The following ZFPM2 variants were observed in gnomAD, a reference collection of about 807,000 sequenced individuals.
ZFPM2 encodes the protein zinc finger protein ZFPM2.
A neutral mutation model predicts 98.6 loss-of-function variants in ZFPM2; 20 were observed. The ratio of observed to expected loss-of-function variants is 0.20; its 90% CI spans 0.14 to 0.29. ZFPM2 has a LOEUF of 0.29. Ranked by LOEUF, ZFPM2 falls within the 10% of genes least tolerant of loss-of-function variation. The pLI is 1.00. For missense variants in ZFPM2, 1,310 were observed against 1,388.6 expected, an observed-to-expected ratio of 0.94 and a Z score of 0.90; for synonymous variants, 518 against 502.7, an observed-to-expected ratio of 1.03 and a Z score of -0.41.
In ZFPM2 at chr8:105,788,700, CT is replaced by C; in HGVS notation, c.533-12del. The C allele has an allele frequency of 6.2e-7, 1 of 1,612,890 alleles. No homozygotes were observed. Among genetic ancestry groups the C allele is most frequent in the Non-Finnish European group, 8.5e-7 (1 of 1,179,024 alleles). On this transcript the variant is annotated splice_polypyrimidine_tract_variant and intron_variant, in intron 5 of 7. Coordinates refer to ENST00000407775, the MANE Select transcript of ZFPM2 (RefSeq NM_012082.4). ...CATCCTATGTCAATTTTATCTTTTT[CT>C]TTTTTCTTCTTAATAGGGGGTCAGC...
Position 105,318,992 on chromosome 8 carries a change from G to C in ZFPM2, c.40+11G>C, listed in dbSNP as rs550883122. ...CCCGGCAGATCAAACGTAAGTTTGC[G>C]CGCGGGGCCGGGAGTTGGTGGGATT... is the stretch of plus-strand genomic sequence containing the variant. On this transcript the variant is annotated intron_variant, in intron 1 of 7. Transcript: ENST00000407775. The C allele has an allele frequency of 2.0e-6, 3 of 1,492,332 alleles. No individual in the cohort carries two copies. Among genetic ancestry groups the C allele is most frequent in the South Asian group, 1.3e-5 (1 of 78,706 alleles). 92.4% of individuals were successfully genotyped at this position (1,492,332 alleles called of 1,614,324 possible).
chr8:105,798,691 C>A, intron 6 of ZFPM2, 33 bp from the exon 7 acceptor site: 1 of 1,576,706 alleles, frequency 6.3e-7, no homozygotes, highest in Non-Finnish European at 8.7e-7. Context: ...AAATGGACAG[C>A]AGCAAATGTG....
chr8:105,543,728 C>A (rs1814630477), intron 3 of ZFPM2, among the ~76,000 whole-genome samples: 1 of 151,908 alleles, frequency 6.6e-6, no homozygotes, highest in Non-Finnish European at 1.5e-5. Flanking sequence ...TCCTTCTGTC[C>A]CTCCATTCCT....
At chr8:105,337,233 G>C (rs1240851319) in intron 1 of ZFPM2, among the ~76,000 whole-genome samples, 10 of 151,744 alleles carry the variant, frequency 6.6e-5, no homozygotes, top group Admixed American at 6.6e-4. Context: ...ATGTTAGCAA[G>C]TCAGAGACTG....
chr8:105,488,362 G>A (rs1298009607), intron 3 of ZFPM2, among the ~76,000 whole-genome samples: 1 of 152,208 alleles, frequency 6.6e-6, no homozygotes, highest in Non-Finnish European at 1.5e-5. Context: ...TTCAGTGGCT[G>A]CTTGTTAGGA....
chr8:105,328,460 C>T (rs80098986), intron 1 of ZFPM2, among the ~76,000 whole-genome samples: 6,864 of 151,712 alleles, frequency 0.045, 274 homozygotes, highest in Admixed American at 0.14. Context: ...AATTATAGAA[C>T]GAATATCTGC....
chr8:105,468,081 C>T (rs910123337), intron 3 of ZFPM2, among the ~76,000 whole-genome samples: 4 of 151,958 alleles, frequency 2.6e-5, no homozygotes, highest in African/African-American at 9.7e-5. Context: ...CTTCTCATAG[C>T]TCCCATTTTA....
intron 5 of ZFPM2, chr8:105,785,245 G>C (rs935586080): frequency 3.3e-5 from 5 of 152,016 alleles, no homozygotes; most frequent in South Asian, 2.1e-4. Flanking sequence ...AAGTCTGTCA[G>C]GTACCCCAAA....
intron 5 of ZFPM2, among the ~76,000 whole-genome samples, chr8:105,786,570 G>A (rs1203100351): frequency 7.0e-6 from 1 of 142,834 alleles, no homozygotes; most frequent in Non-Finnish European, 1.5e-5. Flanking sequence ...CATCAAATGA[G>A]ATAAAGTGAT....
At chr8:105,578,040 G>A (rs1815506111) in intron 4 of ZFPM2, among the ~76,000 whole-genome samples, 1 of 151,978 alleles carries the variant, frequency 6.6e-6, no homozygotes, top group South Asian at 2.1e-4. Flanking sequence ...GAGTTCTTTG[G>A]TAATAATGTT....
chr8:105,515,887 T>G (rs1813909008), intron 3 of ZFPM2, among the ~76,000 whole-genome samples: 1 of 151,250 alleles, frequency 6.6e-6, no homozygotes, highest in Non-Finnish European at 1.5e-5. Flanking sequence ...AACCAGTCAT[T>G]GTGCAAGAAA....
intron 5 of ZFPM2, among the ~76,000 whole-genome samples, chr8:105,746,184 G>T (rs1586235414): frequency 6.6e-6 from 1 of 151,754 alleles, no homozygotes; most frequent in Admixed American, 6.6e-5. Flanking sequence ...CTTATTCGAG[G>T]AAAGTCTTAG....
At chr8:105,451,522 G>T (rs1812484774) in intron 3 of ZFPM2, 1 of 152,144 alleles carries the variant, frequency 6.6e-6, no homozygotes, top group South Asian at 2.1e-4. Flanking sequence ...AAGTAGGGTG[G>T]ACCCTTAATC....
At chr8:105,380,634 T>A (rs13273388) in intron 1 of ZFPM2, among the ~76,000 whole-genome samples, 22 of 15,996 alleles carry the variant, frequency 1.4e-3, no homozygotes, top group African/African-American at 5.8e-3. Context: ...AACATATATA[T>A]TATATATATA....
Position 105,803,299 on chromosome 8 carries a change from C to G in ZFPM2, c.3217C>G (p.His1073Asp). Residue 1073 changes from histidine to aspartate, a missense_variant, in exon 8 of 8, where the codon CAC (histidine) becomes GAC (aspartate). Coordinates refer to ENST00000407775, the MANE Select transcript of ZFPM2 (RefSeq NM_012082.4). Reference sequence around the variant, plus strand: ...CCAGAATCCTCAGCACGAAGACGACCACAAATCTCCCTCGTGGATCTCTGA... The same window carrying G: ...CCAGAATCCTCAGCACGAAGACGACGACAAATCTCCCTCGTGGATCTCTGA... ...ISQNPQHEDDHKSPSWISENP... is the reference protein window; with the variant it reads ...ISQNPQHEDDDKSPSWISENP... The G allele has an allele frequency of 6.3e-7, 1 of 1,594,764 alleles. No homozygotes were observed. Among genetic ancestry groups the G allele is most frequent in the Non-Finnish European group, 8.5e-7 (1 of 1,170,116 alleles).
intron 4 of ZFPM2, among the ~76,000 whole-genome samples, chr8:105,621,153 A>T (rs1301230800): frequency 1.3e-5 from 2 of 152,128 alleles, no homozygotes; most frequent in Non-Finnish European, 2.9e-5. Flanking sequence ...TGATTCTTCC[A>T]ATCCATGAGC....
chr8:105,671,862 T>C (rs1032160987), intron 5 of ZFPM2, among the ~76,000 whole-genome samples: 4 of 152,150 alleles, frequency 2.6e-5, no homozygotes, highest in African/African-American at 9.7e-5. Flanking sequence ...CCAGAGAGAC[T>C]AAGTAGCTAG....
At chr8:105,521,572 T>C (rs1271385671) in intron 3 of ZFPM2, among the ~76,000 whole-genome samples, 1 of 151,590 alleles carries the variant, frequency 6.6e-6, no homozygotes, top group Non-Finnish European at 1.5e-5. Context: ...AATAATACAA[T>C]GTGAAACTTT....
chr8:105,624,608 T>A (rs1816615942), intron 4 of ZFPM2, among the ~76,000 whole-genome samples: 1 of 152,194 alleles, frequency 6.6e-6, no homozygotes, highest in Non-Finnish European at 1.5e-5. Flanking sequence ...TCTTGAAGAA[T>A]AATTTTATAT....
Sources: allele counts gnomAD v4.1 joint callset (sites outside exome capture counted in the v4.1 genomes callset), GRCh38; gene constraint gnomAD v4.1.1; transcripts MANE v1.5; gene names NCBI Gene and HGNC (gene_info 2026-07-23, HGNC 2026-07-21).